ALDH1L1: variants seen among roughly 807,000 people sequenced by gnomAD.
The protein encoded by ALDH1L1 is cytosolic 10-formyltetrahydrofolate dehydrogenase.
Under a neutral mutation model 101.1 loss-of-function variants are expected in ALDH1L1, and 68 were observed. That is an observed-to-expected ratio of 0.67 (90% CI 0.55 to 0.82). The LOEUF (loss-of-function observed/expected upper bound fraction) is 0.82, where lower values mean the gene tolerates loss of function less well. Ranked by LOEUF, ALDH1L1 falls within the 40% of genes least tolerant of loss-of-function variation. The pLI is 0.00. For missense variants in ALDH1L1, 1,087 were observed against 1,172.7 expected, an observed-to-expected ratio of 0.93 and a Z score of 1.07; for synonymous variants, 486 against 470.8, an observed-to-expected ratio of 1.03 and a Z score of -0.42.
intron 20 of ALDH1L1, among the ~76,000 whole-genome samples, chr3:126,109,600 C>G (rs574326925): frequency 6.6e-6 from 1 of 152,056 alleles, no homozygotes; most frequent in South Asian, 2.1e-4. Context: ...GGTGAAGCAA[C>G]GGCTGAGAGG....
intron 9 of ALDH1L1, 108 bp from the exon 10 acceptor site, chr3:126,138,068 CA>C (rs2080489474): frequency 2.8e-6 from 4 of 1,415,752 alleles, no homozygotes; most frequent in Non-Finnish European, 3.9e-6. Flanking sequence ...TCCATCCCAG[CA>C]CCGAGAGGTA....
At chr3:126,181,221 C>A (rs1435695139), upstream of ALDH1L1, 4 of 596,876 alleles carry the variant, frequency 6.7e-6, no homozygotes, top group African/African-American at 7.4e-5. Context: ...CCTGGCCAGC[C>A]CGGTCTCAGG....
chr3:126,193,930 T>G (rs1401427307), intron 1 of ALDH1L1, among the ~76,000 whole-genome samples: 2 of 152,200 alleles, frequency 1.3e-5, no homozygotes, highest in Admixed American at 1.3e-4. Context: ...CTTACCCAAT[T>G]CAAATGATTC....
At chr3:126,170,779 A>C (rs764470227) in intron 1 of ALDH1L1, among the ~76,000 whole-genome samples, 1 of 152,188 alleles carries the variant, frequency 6.6e-6, no homozygotes, top group Non-Finnish European at 1.5e-5. Context: ...TTCTAGCCTC[A>C]TGCATTTCAA....
chr3:126,176,917 A>C (rs901906021), intron 1 of ALDH1L1, among the ~76,000 whole-genome samples: 2 of 152,228 alleles, frequency 1.3e-5, no homozygotes, highest in African/African-American at 2.4e-5. Context: ...CGACATTCAC[A>C]AAAGAAGATA....
At chr3:126,154,712 G>A in intron 5 of ALDH1L1, 69 bp from the exon 6 acceptor site, 1 of 1,431,226 alleles carries the variant, frequency 7.0e-7, no homozygotes. Flanking sequence ...ATGACATCTG[G>A]ACAGTGGACC....
At chr3:126,105,303 C>T in intron 22 of ALDH1L1, 1 of 321,696 alleles carries the variant, frequency 3.1e-6, no homozygotes. Context: ...CTCCTGCTCC[C>T]CCTTGGCCCA....
intron 22 of ALDH1L1, 122 bp from the exon 23 acceptor site, chr3:126,103,968 G>A: frequency 9.0e-7 from 1 of 1,105,570 alleles, no homozygotes; most frequent in South Asian, 1.4e-5. Context: ...ACTTCCAGGT[G>A]AGAAGTCGAG....
intron 17 of ALDH1L1, among the ~76,000 whole-genome samples, chr3:126,117,383 G>A (rs959418667): frequency 2.0e-5 from 3 of 152,018 alleles, no homozygotes; most frequent in African/African-American, 7.2e-5. Flanking sequence ...AGAGCACAGT[G>A]GCTCACGTCA....
At chr3:126,182,683 G>A (rs1323839787), upstream of ALDH1L1, among the ~76,000 whole-genome samples, 2 of 152,086 alleles carry the variant, frequency 1.3e-5, no homozygotes, top group Admixed American at 6.6e-5. Context: ...GCAGATGGGC[G>A]ACAGGAACCA....
intron 20 of ALDH1L1, among the ~76,000 whole-genome samples, 183 bp downstream of exon 20, chr3:126,109,761 C>T (rs1946015683): frequency 6.6e-6 from 1 of 152,200 alleles, no homozygotes; most frequent in South Asian, 2.1e-4. Context: ...TCGTCCCATC[C>T]CCGGGTCTGG....
intron 1 of ALDH1L1, among the ~76,000 whole-genome samples, chr3:126,193,376 T>A (rs1333491676): frequency 6.6e-6 from 1 of 152,202 alleles, no homozygotes; most frequent in East Asian, 1.9e-4. Flanking sequence ...CCATTTTTGT[T>A]TGGTTTGGTC....
intron 8 of ALDH1L1, 40 bp from the exon 9 acceptor site, chr3:126,146,966 G>T: frequency 6.3e-7 from 1 of 1,587,950 alleles, no homozygotes; most frequent in Non-Finnish European, 8.6e-7. Flanking sequence ...CCCCAGGGGA[G>T]CTGGGGACAA....
chr3:126,116,242 CTATT>C (rs575700824), intron 17 of ALDH1L1, among the ~76,000 whole-genome samples: 1 of 149,274 alleles, frequency 6.7e-6, no homozygotes. Flanking sequence ...TTGTTCTGTT[CTATT>C]TATTTATTTA....
chr3:126,190,167 A>G (rs894090588), intron 1 of ALDH1L1, among the ~76,000 whole-genome samples: 1 of 152,214 alleles, frequency 6.6e-6, no homozygotes, highest in Admixed American at 6.5e-5. Context: ...AGAACATGCA[A>G]ACTATTACAA....
chr3:126,143,688 G>A (rs562347453), intron 9 of ALDH1L1, among the ~76,000 whole-genome samples: 10 of 152,254 alleles, frequency 6.6e-5, no homozygotes, highest in Admixed American at 3.9e-4. Flanking sequence ...CAAGTGTAAC[G>A]CCTCACCCTG....
chr3:126,172,924 C>T (rs955566386), intron 1 of ALDH1L1, among the ~76,000 whole-genome samples: 15 of 152,108 alleles, frequency 9.9e-5, no homozygotes, highest in Non-Finnish European at 1.9e-4. Context: ...ATAAACCATG[C>T]AATCAGGAAT....
intron 12 of ALDH1L1, among the ~76,000 whole-genome samples, chr3:126,134,521 G>A (rs4646727): frequency 0.5 from 76,693 of 152,074 alleles, 19,531 homozygotes; most frequent in African/African-American, 0.57. Context: ...AGGGGCTTGC[G>A]AAGGGGACTG....
In ALDH1L1 at chr3:126,124,532, C is replaced by A. The variant is rs542320861; in HGVS notation, c.1801-81G>T. ...CTGCCTTCCCTCCCCGCCTTCCTCT[C>A]CCAGCAGCCCAGCAGCAAGCTGGGA... On this transcript the variant is annotated intron_variant, in intron 15 of 22. Transcript: ENST00000393434. The A allele has an allele frequency of 1.5e-4, 158 of 1,071,858 alleles. No homozygotes were observed. In the African/African-American group the frequency reaches 2.3e-3, roughly 16 times the overall value. 66.4% of individuals were successfully genotyped at this position (1,071,858 alleles called of 1,614,324 possible).
Sources: allele counts gnomAD v4.1 joint callset (sites outside exome capture counted in the v4.1 genomes callset), GRCh38; gene constraint gnomAD v4.1.1; transcripts MANE v1.5; gene names NCBI Gene and HGNC (gene_info 2026-07-23, HGNC 2026-07-21).